Variants in AFF1 observed in about 807,000 individuals in gnomAD.
The protein encoded by AFF1 is ALF transcription elongation factor 1, also known as AF4/FMR2 family member 1.
A neutral mutation model predicts 121.7 loss-of-function variants in AFF1; 48 were observed. The ratio of observed to expected loss-of-function variants is 0.39; its 90% CI spans 0.31 to 0.50. The LOEUF is 0.50. AFF1 is among the 20% of genes least tolerant of loss of function. AFF1 has a pLI of 0.76. For synonymous variants in AFF1, 613 were observed against 563.0 expected (o/e 1.09, Z -1.26); for missense variants, 1,523 against 1,511.7 (o/e 1.01, Z -0.12).
At chr4:87,053,327 A>G (rs896121448) in intron 4 of AFF1, among the ~76,000 whole-genome samples, 2 of 152,164 alleles carry the variant, frequency 1.3e-5, no homozygotes, top group Admixed American at 6.5e-5. Flanking sequence ...CCAAGTGTAC[A>G]TTCATTGTTG....
At chr4:87,009,563 T>C (rs1032085228) in intron 2 of AFF1, among the ~76,000 whole-genome samples, 15 of 152,244 alleles carry the variant, frequency 9.9e-5, no homozygotes, top group African/African-American at 2.9e-4. Flanking sequence ...AAGACTGTTA[T>C]GTCTGTTGTT....
intron 1 of AFF1, among the ~76,000 whole-genome samples, chr4:86,946,465 C>T (rs1720869578): frequency 7.6e-6 from 1 of 131,612 alleles, no homozygotes; most frequent in South Asian, 3.0e-4. Context: ...CCCCCACCCA[C>T]CCCCACCTGC....
At chr4:86,938,893 T>C (rs1720248354) in intron 1 of AFF1, among the ~76,000 whole-genome samples, 1 of 152,252 alleles carries the variant, frequency 6.6e-6, no homozygotes, top group Non-Finnish European at 1.5e-5. Flanking sequence ...GAAAATCAGC[T>C]GATTTTCTTA....
intron 2 of AFF1, among the ~76,000 whole-genome samples, chr4:87,022,146 G>A (rs1349981671): frequency 2.0e-5 from 3 of 148,974 alleles, no homozygotes; most frequent in Admixed American, 1.4e-4. Flanking sequence ...CAGAGGTTTC[G>A]GTGAGCCGAG....
chr4:86,993,968 AAAT>A (rs1262410682), intron 2 of AFF1, among the ~76,000 whole-genome samples: 1 of 152,214 alleles, frequency 6.6e-6, no homozygotes, highest in Non-Finnish European at 1.5e-5. Flanking sequence ...CCGTCTTAAA[AAAT>A]AATAATACAT....
At chr4:86,972,467 G>A (rs940504204) in intron 2 of AFF1, among the ~76,000 whole-genome samples, 39 of 152,132 alleles carry the variant, frequency 2.6e-4, no homozygotes, top group African/African-American at 6.8e-4. Flanking sequence ...GGAAAAAAAT[G>A]TGAAATATCT....
intron 17 of AFF1, 108 bp downstream of exon 17, chr4:87,131,327 C>A: frequency 1.4e-6 from 2 of 1,428,710 alleles, no homozygotes; most frequent in Non-Finnish European, 1.9e-6. Flanking sequence ...AAAGGGGAGC[C>A]TTAAAAAAGT....
chr4:86,976,807 C>T (rs1346334334), intron 2 of AFF1, among the ~76,000 whole-genome samples: 1 of 152,188 alleles, frequency 6.6e-6, no homozygotes, highest in Non-Finnish European at 1.5e-5. Flanking sequence ...TGGGTGCCTA[C>T]CTCGGTGTCT....
chr4:87,103,394 A>G (rs149497692), intron 8 of AFF1, among the ~76,000 whole-genome samples: 2 of 152,372 alleles, frequency 1.3e-5, no homozygotes, highest in African/African-American at 4.8e-5. Flanking sequence ...ATTTTTATTA[A>G]GTAAAATACT....
intron 4 of AFF1, among the ~76,000 whole-genome samples, chr4:87,050,531 T>C (rs761026231): frequency 5.9e-5 from 9 of 152,242 alleles, no homozygotes; most frequent in Non-Finnish European, 1.3e-4. Context: ...GGGAAATACT[T>C]GGTTTTATGT....
chr4:87,052,558 A>G (rs939522682), intron 4 of AFF1, among the ~76,000 whole-genome samples: 2 of 152,244 alleles, frequency 1.3e-5, no homozygotes, highest in East Asian at 3.9e-4. Context: ...TGGCCGTGAA[A>G]GGCATTTGGG....
At chr4:86,951,718 T>A (rs1721354704) in intron 2 of AFF1, among the ~76,000 whole-genome samples, 1 of 145,800 alleles carries the variant, frequency 6.9e-6, no homozygotes, top group Non-Finnish European at 1.5e-5. Flanking sequence ...CACCTCCAGG[T>A]TCAAGCAATT....
At chr4:87,064,057 T>G (rs140347474) in intron 4 of AFF1, among the ~76,000 whole-genome samples, 1,640 of 152,384 alleles carry the variant, frequency 0.011, 16 homozygotes, top group Non-Finnish European at 0.015. Flanking sequence ...TATGCCCTAA[T>G]AAAGTACTGA....
chr4:86,943,184 G>A (rs903215824), intron 1 of AFF1, among the ~76,000 whole-genome samples: 1 of 152,218 alleles, frequency 6.6e-6, no homozygotes, highest in African/African-American at 2.4e-5. Flanking sequence ...AAACTTCAAA[G>A]TGTAGAAGAG....
At chr4:86,948,144 TAATGA>T (rs1721003111) in intron 1 of AFF1, among the ~76,000 whole-genome samples, 6 of 152,190 alleles carry the variant, frequency 3.9e-5, no homozygotes, top group Admixed American at 3.9e-4. Context: ...TGTAATGTAT[TAATGA>T]AATGCCATTT....
intron 2 of AFF1, among the ~76,000 whole-genome samples, chr4:87,044,885 C>T (rs1262573207): frequency 6.6e-6 from 1 of 152,142 alleles, no homozygotes; most frequent in East Asian, 1.9e-4. Context: ...GAGAGTAGAT[C>T]TGCGTCAGAT....
chr4:86,998,209 GAGAT>G (rs760238100), intron 2 of AFF1, among the ~76,000 whole-genome samples: 3 of 151,452 alleles, frequency 2.0e-5, no homozygotes, highest in African/African-American at 7.3e-5. Context: ...AGCTTCATGA[GAGAT>G]AGAAGTTTCT....
chr4:87,094,974 G>T lies in AFF1; in HGVS notation c.1283+5G>T. The T allele has an allele frequency of 6.2e-7, 1 of 1,612,128 alleles. No individual in the cohort carries two copies. The highest frequency in any genetic ancestry group is 1.1e-5 in the South Asian group (1 of 91,026). ...TTCTCAGCAAGGAACGTCATCGTAA[G>T]TGAAATGCTTTTTGTGTATTAAAAT... On this transcript the variant is annotated splice_donor_5th_base_variant and intron_variant, in intron 8 of 20. Transcript: ENST00000395146.
chr4:87,052,122 C>T (rs1731328767), intron 4 of AFF1, among the ~76,000 whole-genome samples: 1 of 152,036 alleles, frequency 6.6e-6, no homozygotes, highest in Non-Finnish European at 1.5e-5. Flanking sequence ...AGTGTAAAGG[C>T]CTGAATTTAG....
Sources: gnomAD v4.1 joint callset for allele counts (sites outside exome capture counted in the v4.1 genomes callset) on GRCh38, gnomAD v4.1.1 for gene constraint, MANE v1.5 for transcripts, NCBI Gene and HGNC (gene_info 2026-07-23, HGNC 2026-07-21) for gene names.